POLD1: variants seen among roughly 807,000 people sequenced by gnomAD.
POLD1 encodes the protein DNA polymerase delta catalytic subunit.
Under a neutral mutation model 129.7 loss-of-function variants are expected in POLD1, and 79 were observed. The ratio of observed to expected loss-of-function variants is 0.61; its 90% CI spans 0.51 to 0.73. The LOEUF is 0.73. Ranked by LOEUF, POLD1 falls within the 30% of genes least tolerant of loss-of-function variation. The pLI, the probability that POLD1 is intolerant of heterozygous loss-of-function variation, is 0.00. For missense variants in POLD1, 1,338 were observed against 1,595.8 expected (o/e 0.84, Z 2.75); for synonymous variants, 714 against 683.3 (o/e 1.04, Z -0.70).
intron 19 of POLD1, among the ~76,000 whole-genome samples, chr19:50,414,174 G>A (rs1355285079): frequency 1.3e-5 from 2 of 152,378 alleles, no homozygotes; most frequent in African/African-American, 2.4e-5. Context: ...CAGGGACCCT[G>A]ATGGGGGTGC....
At chr19:50,390,455 A>G (rs562081229) in intron 1 of POLD1, among the ~76,000 whole-genome samples, 4 of 152,194 alleles carry the variant, frequency 2.6e-5, no homozygotes, top group African/African-American at 9.6e-5. Context: ...GGCTAAAATG[A>G]TGAAGGACAT....
Position 50,408,876 on chromosome 19 carries a change from C to T in POLD1, c.1867C>T (p.Arg623Trp), listed in dbSNP as rs768773535. The T allele has an allele frequency of 1.2e-5, 19 of 1,612,798 alleles. No individual in the cohort carries two copies. Among genetic ancestry groups the T allele is most frequent in the Admixed American group, 6.7e-5 (4 of 59,760 alleles). Residue 623 changes from arginine (R) to tryptophan (W), a missense_variant, in exon 15 of 27, where the codon CGG (arginine) becomes TGG (tryptophan). Arg to Trp is a moderately radical substitution (Grantham distance 101, BLOSUM62 -3). Around this residue, in one of 3 missense-constraint regions of POLD1, gnomAD observed 720 missense variants for 1,002.6 expected, o/e 0.72. Transcript: ENST00000440232. Reference sequence around the variant, plus strand: ...CAACCTGTGTTACACCACGCTCCTTCGGCCCGGGACTGCACAGAAACTGGG... The same window carrying T: ...CAACCTGTGTTACACCACGCTCCTTTGGCCCGGGACTGCACAGAAACTGGG... ...AHNLCYTTLLRPGTAQKLGLT... is the reference protein window; with the variant it reads ...AHNLCYTTLLWPGTAQKLGLT...
At chr19:50,402,844 G>T in intron 8 of POLD1, 103 bp downstream of exon 8, 1 of 1,467,516 alleles carries the variant, frequency 6.8e-7, no homozygotes. Context: ...AAGGTGCCGG[G>T]GCAGGAGCAC....
In POLD1 at chr19:50,416,407, C is replaced by T. The variant is rs143974331; in HGVS notation, c.2832C>T (p.Phe944=). ...CCATGTGGCCGCAGGACCCGCTGTTCGTGCTGGAGCACAGCCTGCCCATTG... is the reference window on the plus strand; with the variant it reads ...CCATGTGGCCGCAGGACCCGCTGTTTGTGCTGGAGCACAGCCTGCCCATTG... The part of the protein sequence containing the change: ...AAYMKSEDPL[F]VLEHSLPIDT... The change falls in exon 23 of 27, where the codon TTC becomes TTT. Residue 944 remains phenylalanine (F), a synonymous_variant. Coordinates refer to ENST00000440232, the MANE Select transcript of POLD1 (RefSeq NM_002691.4). 1.0e-4 allele frequency: 155 copies of T among 1,549,284 alleles called. 1 individual carries two copies. In the East Asian group the frequency reaches 3.5e-3, roughly 35 times the overall value.
chr19:50,399,320 C>T (rs570397550), intron 2 of POLD1, 51 bp from the exon 3 acceptor site: 35 of 1,446,804 alleles, frequency 2.4e-5, no homozygotes, highest in Non-Finnish European at 3.2e-5. Context: ...CCATCCTGGC[C>T]GGGGAAGACC....
chr19:50,399,800 A>G (rs926643639), intron 3 of POLD1, among the ~76,000 whole-genome samples: 4 of 152,232 alleles, frequency 2.6e-5, no homozygotes, highest in Admixed American at 2.6e-4. Flanking sequence ...CACCAGACAC[A>G]TAAACCAAAA....
At position 50,403,157 on chromosome 19, in the gene POLD1, C is replaced by T. The variant is rs2038728179; in HGVS notation, c.1075C>T (p.Pro359Ser). 1.9e-6 allele frequency: 3 copies of T among 1,561,224 alleles called. No individual in the cohort carries two copies. The highest frequency in any genetic ancestry group is 1.7e-6 in the Non-Finnish European group (2 of 1,152,530). The change falls in exon 9 of 27, where the codon CCC (proline) becomes TCC (serine). Residue 359 changes from proline to serine, a missense_variant. This residue lies in a region of POLD1 where 720 missense variants were observed against 1,002.6 expected (regional missense o/e 0.72). Coordinates refer to ENST00000440232, the MANE Select transcript of POLD1 (RefSeq NM_002691.4). ...CCTACGCCTGGCGCTCACCCTGCGG[C>T]CCTGTGCCCCCATCCTGGGTGCCAA... ...PFLRLALTLR[P>S]CAPILGAKVQ...
Position 50,413,593 on chromosome 19 carries a change from C to T in POLD1, c.2250+72C>T, listed in dbSNP as rs554868113. ...GGGGGATGGAAGCCGGGCCGGACCC[C>T]CATGTCCCCGTGCCTCCTGGTCACA... On this transcript the variant is annotated intron_variant, in intron 18 of 26. Coordinates refer to ENST00000440232, the MANE Select transcript of POLD1 (RefSeq NM_002691.4). 162 of 1,539,422 alleles carry T rather than the reference C, an allele frequency of 1.1e-4. 1 individual carries two copies. The South Asian group carries it at 1.6e-3, about 16-fold the overall frequency.
chr19:50,417,215 G>T lies in POLD1; in HGVS notation c.3164G>T (p.Trp1055Leu). Residue 1055 changes from tryptophan to leucine, a missense_variant, in exon 26 of 27, where the codon TGG (tryptophan) becomes TTG (leucine). By Grantham distance (61) the Trp-to-Leu change is moderately conservative. Transcript: ENST00000440232. Reference sequence around the variant, plus strand: ...CTGGAGGAGCGCTTCTCGCGCCTCTGGACGCAGTGCCAGCGCTGCCAGGGC... The same window carrying T: ...CTGGAGGAGCGCTTCTCGCGCCTCTTGACGCAGTGCCAGCGCTGCCAGGGC... ...NALEERFSRL[W>L]TQCQRCQGSL... 1 of 1,606,582 alleles carries T rather than the reference G, an allele frequency of 6.2e-7. No homozygotes were observed. Among genetic ancestry groups the T allele is most frequent in the Non-Finnish European group, 8.5e-7 (1 of 1,178,340 alleles).
In POLD1 at chr19:50,403,424, A is replaced by C. The variant is rs896071530; in HGVS notation, c.1138-69A>C. 6.1e-6 allele frequency: 8 copies of C among 1,310,122 alleles called. No homozygotes were observed. The East Asian group carries it at 1.8e-4, about 30-fold the overall frequency. The allele number at this position is 1,310,122 out of a possible 1,614,324, so 81.2% of individuals were successfully genotyped here. On this transcript the variant is annotated intron_variant, in intron 9 of 26. Coordinates refer to ENST00000440232, the MANE Select transcript of POLD1 (RefSeq NM_002691.4). ...TTTCAGGGGTGGCTGGGGTTCTAGAACATTCTGGAAGTAGGGGAATCCGAG... is the reference window on the plus strand; with the variant it reads ...TTTCAGGGGTGGCTGGGGTTCTAGACCATTCTGGAAGTAGGGGAATCCGAG...
chr19:50,391,689 G>T (rs1040868108), intron 1 of POLD1, among the ~76,000 whole-genome samples: 1 of 129,062 alleles, frequency 7.7e-6, no homozygotes, highest in Non-Finnish European at 1.6e-5. Context: ...AGACTGAGAG[G>T]GGGGAGGGGG....
At position 50,407,144 on chromosome 19, in the gene POLD1, G is replaced by A. The variant is rs1293322306; in HGVS notation, c.1656G>A (p.Gln552=). The change falls in exon 13 of 27, where the codon CAG becomes CAA. Residue 552 remains glutamine (Q), a synonymous_variant. Coordinates refer to ENST00000440232, the MANE Select transcript of POLD1 (RefSeq NM_002691.4). ...PLSYLLSRGQ[Q]VKVVSQLLRQ... ...GCTACCTGCTCAGTCGTGGCCAGCA[G>A]GTCAAGGTCGTATCCCAGCTGTTGC... 1.2e-6 allele frequency: 2 copies of A among 1,611,668 alleles called. No individual in the cohort carries two copies. Among genetic ancestry groups the A allele is most frequent in the Non-Finnish European group, 1.7e-6 (2 of 1,178,732 alleles).
intron 25 of POLD1, 27 bp from the exon 26 acceptor site, chr19:50,417,145 G>C (rs760961826): frequency 2.5e-6 from 4 of 1,574,082 alleles, no homozygotes; most frequent in Non-Finnish European, 3.4e-6. Flanking sequence ...AGGCGGGGGC[G>C]CCCTGCTCAG....
Position 50,416,539 on chromosome 19 carries a change from AC to A in POLD1, c.2953+13del. On this transcript the variant is annotated intron_variant, in intron 23 of 26. Coordinates refer to ENST00000440232, the MANE Select transcript of POLD1 (RefSeq NM_002691.4). ...AGGCTGTGCTACTGCGTACGGGGGC[AC>A]CAGGGGACTGGGGGCACCCTGGGGG... 6.4e-7 allele frequency: 1 copy of A among 1,552,050 alleles called. No homozygotes were observed. Among genetic ancestry groups the A allele is most frequent in the Non-Finnish European group, 8.7e-7 (1 of 1,150,204 alleles).
chr19:50,409,298 C>G lies in POLD1; in HGVS notation c.2006+63C>G. On this transcript the variant is annotated intron_variant, in intron 16 of 26. Coordinates refer to ENST00000440232, the MANE Select transcript of POLD1 (RefSeq NM_002691.4). The surrounding 1 kb of genome is among the most constrained non-coding windows in gnomAD (Gnocchi z 5.8). ...GTTGGGGCCTCTGGGCAATCCCTGT[C>G]CCTCACTGGGACACCCCAGGGCTGC... The G allele has an allele frequency of 7.6e-7, 1 of 1,317,762 alleles. No homozygotes were observed. Among genetic ancestry groups the G allele is most frequent in the Non-Finnish European group, 1.1e-6 (1 of 917,846 alleles). 81.6% of individuals were successfully genotyped at this position (1,317,762 alleles called of 1,614,324 possible).
At position 50,405,850 on chromosome 19, in the gene POLD1, C is replaced by A. The variant is rs35228262; in HGVS notation, c.1243-332C>A. 0.099 allele frequency among the ~76,000 whole-genome samples: 15,003 copies of A among 152,228 alleles called. 901 individuals are homozygous for A. Among genetic ancestry groups the A allele is most frequent in the South Asian group, 0.2 (945 of 4,826 alleles). ...CCACGCCGCCTCCTGCCTCTGCCCC[C>A]ACCTGGCCGCCTGCTCACAGTGTCC... is the stretch of plus-strand genomic sequence containing the variant. On this transcript the variant is annotated intron_variant, in intron 10 of 26. Coordinates refer to ENST00000440232, the MANE Select transcript of POLD1 (RefSeq NM_002691.4).
Position 50,409,863 on chromosome 19 carries a change from G to C in POLD1, c.2154+197G>C, listed in dbSNP as rs147579689. On this transcript the variant is annotated intron_variant, in intron 17 of 26. Coordinates refer to ENST00000440232, the MANE Select transcript of POLD1 (RefSeq NM_002691.4). The surrounding 1 kb of genome is among the most constrained non-coding windows in gnomAD (Gnocchi z 5.8). ...CAAATGCCTACTGAGCACACACTGT[G>C]GTCAGGGCTCACTCTGTGCCCTGGG... Among the ~76,000 whole-genome samples, 457 of 152,354 alleles carry C rather than the reference G, an allele frequency of 3.0e-3. No individual in the cohort carries two copies. The highest frequency in any genetic ancestry group is 0.01 in the African/African-American group (433 of 41,590).
At chr19:50,398,797 G>A in intron 1 of POLD1, 54 bp from the exon 2 acceptor site, 3 of 1,574,564 alleles carry the variant, frequency 1.9e-6, no homozygotes, top group Non-Finnish European at 2.6e-6. Flanking sequence ...CATGGAGACA[G>A]GGTAAGAGGT....
At chr19:50,401,977 C>G (rs2038655794) in intron 4 of POLD1, 22 bp from the exon 5 acceptor site, 1 of 1,614,034 alleles carries the variant, frequency 6.2e-7, no homozygotes, top group Admixed American at 1.7e-5. Context: ...CCCTGCACCT[C>G]TGATCATCCC....
Sources: gnomAD v4.1 joint callset for allele counts (sites outside exome capture counted in the v4.1 genomes callset) on GRCh38, gnomAD v4.1.1 for gene constraint, gnomAD v4.1.1 regional missense constraint, Gnocchi (gnomAD v3.1) non-coding constraint, MANE v1.5 for transcripts, NCBI Gene and HGNC (gene_info 2026-07-23, HGNC 2026-07-21) for gene names.